Variants in MYH11 observed in about 807,000 individuals in gnomAD.
The protein encoded by MYH11 is myosin heavy chain 11.
A neutral mutation model predicts 246.6 loss-of-function variants in MYH11; 80 were observed. The observed-to-expected ratio is 0.32, with a 90% CI of 0.27 to 0.39. MYH11 has a LOEUF of 0.39. MYH11 is among the 10% of genes least tolerant of loss of function. MYH11 has a pLI of 1.00. For synonymous variants in MYH11, 1,071 were observed against 1,015.5 expected (o/e 1.05, Z -1.04); for missense variants, 2,158 against 2,546.8 (o/e 0.85, Z 3.29).
chr16:15,822,321 A>C (rs942082560), intron 3 of MYH11, among the ~76,000 whole-genome samples: 2 of 151,968 alleles, frequency 1.3e-5, no homozygotes, highest in African/African-American at 2.4e-5. Flanking sequence ...GTTTGCATTA[A>C]CTGCCTAGTC....
chr16:15,741,980 A>G (rs368816358), intron 20 of MYH11, 89 bp from the exon 21 acceptor site: 2 of 1,557,538 alleles, frequency 1.3e-6, no homozygotes. Context: ...CGAGCCAGGG[A>G]CAATGTTGCC....
intron 1 of MYH11, among the ~76,000 whole-genome samples, chr16:15,850,255 G>A (rs2044296952): frequency 6.6e-6 from 1 of 151,998 alleles, no homozygotes; most frequent in Admixed American, 6.6e-5. Context: ...TGTGGTGGTG[G>A]GCGCCTGTAA....
chr16:15,813,696 T>C (rs1018719287), intron 3 of MYH11, among the ~76,000 whole-genome samples: 3 of 151,912 alleles, frequency 2.0e-5, no homozygotes, highest in African/African-American at 7.3e-5. Flanking sequence ...TTTCCAAAAA[T>C]ACATGAACCA....
chr16:15,712,188 T>G (rs1024828182), intron 40 of MYH11, among the ~76,000 whole-genome samples: 4 of 152,060 alleles, frequency 2.6e-5, no homozygotes, highest in Non-Finnish European at 4.4e-5. Flanking sequence ...GGGTGCAGCA[T>G]GTTTGGTGTG....
At chr16:15,823,949 T>C (rs1567201027) in intron 2 of MYH11, among the ~76,000 whole-genome samples, 1 of 152,094 alleles carries the variant, frequency 6.6e-6, no homozygotes, top group Non-Finnish European at 1.5e-5. Flanking sequence ...TTTGAAGAGC[T>C]CTGGGTTCAA....
At chr16:15,714,854 C>T in intron 40 of MYH11, 55 bp downstream of exon 40, 1 of 1,606,558 alleles carries the variant, frequency 6.2e-7, no homozygotes, top group South Asian at 1.1e-5. Context: ...CCCGAGCCCC[C>T]AGTGCTTTTC....
At chr16:15,769,976 T>C (rs995394063) in intron 9 of MYH11, among the ~76,000 whole-genome samples, 2 of 152,192 alleles carry the variant, frequency 1.3e-5, no homozygotes, top group Admixed American at 6.6e-5. Flanking sequence ...CAGTTTTTTA[T>C]TATTTAAATA....
At chr16:15,786,362 A>G in intron 5 of MYH11, 1 of 609,122 alleles carries the variant, frequency 1.6e-6, no homozygotes, top group Non-Finnish European at 3.0e-6. Context: ...CCCGACGTGG[A>G]GGAAGATCTC....
At chr16:15,776,028 G>T in intron 8 of MYH11, 50 bp downstream of exon 8, 2 of 1,352,576 alleles carry the variant, frequency 1.5e-6, no homozygotes, top group Non-Finnish European at 2.1e-6. Context: ...GGATTCTGAT[G>T]AAAGGGAAGG....
intron 4 of MYH11, among the ~76,000 whole-genome samples, chr16:15,788,999 C>T (rs1021936775): frequency 1.3e-5 from 2 of 151,860 alleles, no homozygotes; most frequent in Admixed American, 6.6e-5. Flanking sequence ...GAAGAATTGG[C>T]GTTTGTCATT....
At chr16:15,705,984 C>CAAAAAAAAAAAAAAAAAAAA (rs57451847) in intron 40 of MYH11, among the ~76,000 whole-genome samples, 3 of 56,764 alleles carry the variant, frequency 5.3e-5, no homozygotes, top group African/African-American at 2.2e-4. Context: ...GACTCCGTCT[C>CAAAAAAAAAAAAAAAAAAAA]AAAAAAAAAA....
At chr16:15,763,741 T>TCGGGCGCC in intron 10 of MYH11, 55 bp downstream of exon 10, 1 of 646,862 alleles carries the variant, frequency 1.5e-6, no homozygotes, top group Non-Finnish European at 2.9e-6. Context: ...AAATGTCACC[T>TCGGGCGCC]CCCCCACCCC....
At chr16:15,704,218 C>CT in intron 40 of MYH11, 95 bp from the exon 41 acceptor site, 8 of 1,456,160 alleles carry the variant, frequency 5.5e-6, no homozygotes, top group Non-Finnish European at 7.5e-6. Flanking sequence ...AGCTATAGTC[C>CT]TATTGCAATA....
chr16:15,713,416 A>C (rs1336844148), intron 40 of MYH11: 1 of 152,204 alleles, frequency 6.6e-6, no homozygotes, highest in African/African-American at 2.4e-5. Flanking sequence ...AAAAAGTGAA[A>C]AGCAGCAGAG....
At chr16:15,705,459 G>T (rs1236986954) in intron 40 of MYH11, among the ~76,000 whole-genome samples, 1 of 152,198 alleles carries the variant, frequency 6.6e-6, no homozygotes, top group Non-Finnish European at 1.5e-5. Context: ...GGAAAAATCA[G>T]ATCTGCCTGC....
At chr16:15,739,225 G>A (rs917083490) in intron 23 of MYH11, among the ~76,000 whole-genome samples, 13 of 150,898 alleles carry the variant, frequency 8.6e-5, no homozygotes, top group Non-Finnish European at 1.8e-4. Flanking sequence ...TCAGCCTCCC[G>A]AGTAGCTGGG....
intron 3 of MYH11, among the ~76,000 whole-genome samples, chr16:15,819,797 C>A (rs1596896761): frequency 6.6e-6 from 1 of 152,118 alleles, no homozygotes; most frequent in Non-Finnish European, 1.5e-5. Flanking sequence ...TGAAACTGGT[C>A]CCTGGTGTCA....
chr16:15,766,456 C>T (rs1340490311), intron 9 of MYH11, among the ~76,000 whole-genome samples: 6 of 151,554 alleles, frequency 4.0e-5, no homozygotes, highest in South Asian at 2.1e-4. Flanking sequence ...GCAACCTCTG[C>T]GCTTCCCAGG....
rs147056835 is a variant in MYH11 at position 15,747,709 on chromosome 16, G to A, written c.2272C>T (p.Pro758Ser). The A allele has an allele frequency of 6.2e-7, 1 of 1,614,026 alleles. No individual in the cohort carries two copies. The highest frequency in any genetic ancestry group is 1.1e-5 in the South Asian group (1 of 91,070). ...ILMIKALELD[P>S]NLYRIGQSKI... The stretch of plus-strand genomic sequence containing the variant: ...CTCTGCCCTATCCTGTATAAGTTGG[G>A]GTCAAGTTCCAGGGCTTTGATCTGC... The change falls in exon 19 of 41, where the codon CCC (proline) becomes TCC (serine). Residue 758 changes from proline to serine, a missense_variant. By Grantham distance (74) the Pro-to-Ser change is moderately conservative. Around this residue, in one of 11 missense-constraint regions of MYH11, gnomAD observed 56 missense variants for 47.2 expected, o/e 1.19. Transcript: ENST00000300036.
Sources: gnomAD v4.1 joint callset for allele counts (sites outside exome capture counted in the v4.1 genomes callset) on GRCh38, gnomAD v4.1.1 for gene constraint, gnomAD v4.1.1 regional missense constraint, MANE v1.5 for transcripts, NCBI Gene and HGNC (gene_info 2026-07-23, HGNC 2026-07-21) for gene names.